RPTOR: variants seen among roughly 807,000 people sequenced by gnomAD.
The protein encoded by RPTOR is regulatory-associated protein of mTOR.
RPTOR carries 21 observed loss-of-function variants against 169.9 expected under a neutral mutation model. The ratio of observed to expected loss-of-function variants is 0.12; its 90% CI spans 0.09 to 0.18. RPTOR has a LOEUF of 0.18. Among genes scored for constraint, RPTOR ranks in the 10% least tolerant of loss-of-function variants. The pLI is 1.00. For synonymous variants in RPTOR, 732 were observed against 753.2 expected (o/e 0.97, Z 0.46); for missense variants, 1,133 against 1,855.9 (o/e 0.61, Z 7.16).
At chr17:80,964,114 C>A in intron 33 of RPTOR, 148 bp from the exon 34 acceptor site, 1 of 690,712 alleles carries the variant, frequency 1.4e-6, no homozygotes, top group East Asian at 2.7e-5. Context: ...GTGGGACCGG[C>A]CCGGCATTTC....
chr17:80,589,703 T>C (rs1228284231), intron 1 of RPTOR, among the ~76,000 whole-genome samples: 2 of 152,234 alleles, frequency 1.3e-5, no homozygotes. Context: ...AATTGTGTGT[T>C]GTTTGTTCTG....
intron 24 of RPTOR, among the ~76,000 whole-genome samples, chr17:80,934,215 A>G (rs572327306): frequency 6.6e-6 from 1 of 151,564 alleles, no homozygotes; most frequent in South Asian, 2.1e-4. Flanking sequence ...CAGCGGTGCA[A>G]TACCTTCCAT....
At position 80,925,372 on chromosome 17, in the gene RPTOR, TGCGGACGAC is replaced by T. The variant is rs761788311; in HGVS notation, c.2820_2828del (p.Asp942_Ala944del). ...ACCCTCCTGCTTAAACCCTGAAGAC[TGCGGACGAC>T]GCGGACGATGCTGCTGGACACAAAA... On this transcript the variant is annotated inframe_deletion, in exon 24 of 34. Coordinates refer to ENST00000306801, the MANE Select transcript of RPTOR (RefSeq NM_020761.3). The T allele has an allele frequency of 7.4e-6, 12 of 1,613,536 alleles. No individual in the cohort carries two copies. The highest frequency in any genetic ancestry group is 6.7e-5 in the East Asian group (3 of 44,888).
chr17:80,884,059 C>T lies in RPTOR; in HGVS notation c.1842+87C>T, dbSNP rs1168839785. Reference sequence around the variant, plus strand: ...AGGTCTGCTCGCGTGCGGGTGTGGCCGGCCACGTGTCCAGGAACTTCAGGG... The same window carrying T: ...AGGTCTGCTCGCGTGCGGGTGTGGCTGGCCACGTGTCCAGGAACTTCAGGG... On this transcript the variant is annotated intron_variant, in intron 16 of 33. Coordinates refer to ENST00000306801, the MANE Select transcript of RPTOR (RefSeq NM_020761.3). 3.7e-5 allele frequency: 50 copies of T among 1,359,710 alleles called. No homozygotes were observed. In the East Asian group the frequency reaches 6.6e-4, roughly 18 times the overall value. 84.2% of individuals were successfully genotyped at this position (1,359,710 alleles called of 1,614,324 possible).
At position 80,651,068 on chromosome 17, in the gene RPTOR, C is replaced by T. The variant is rs560444074; in HGVS notation, c.348+7258C>T. On this transcript the variant is annotated intron_variant, in intron 3 of 33. Coordinates refer to ENST00000306801, the MANE Select transcript of RPTOR (RefSeq NM_020761.3). This position sits in a 1 kb window ranked among gnomAD's most constrained non-coding sequence, Gnocchi z 4.1. The stretch of plus-strand genomic sequence containing the variant: ...CAGGCTGGGGACTAAAACTGTAGCT[C>T]AGCTGTTGTCGTTTCACAGATCTCA... Among the ~76,000 whole-genome samples, 1 of 152,264 alleles carries T rather than the reference C, an allele frequency of 6.6e-6. No individual in the cohort carries two copies. Among genetic ancestry groups the T allele is most frequent in the Non-Finnish European group, 1.5e-5 (1 of 68,022 alleles).
intron 1 of RPTOR, among the ~76,000 whole-genome samples, chr17:80,578,971 T>G (rs780958602): frequency 2.6e-5 from 4 of 152,154 alleles, no homozygotes; most frequent in Non-Finnish European, 5.9e-5. Context: ...GTGGTAGCAG[T>G]AATTTTAAGG....
At position 80,964,595 on chromosome 17, in the gene RPTOR, C is replaced by A; in HGVS notation, c.*265C>A. On this transcript the variant is annotated 3_prime_UTR_variant, in exon 34 of 34. Coordinates refer to ENST00000306801, the MANE Select transcript of RPTOR (RefSeq NM_020761.3). ...TCCAGGTGCACCCCCGCGGCCACGG[C>A]GCCTCTGTCCCTCTCCTGTTCTGTG... The A allele has an allele frequency of 1.8e-6, 1 of 544,466 alleles. No individual in the cohort carries two copies. 33.7% of individuals were successfully genotyped at this position (544,466 alleles called of 1,614,324 possible). A position where few individuals can be genotyped will look rare whatever the true frequency, so the allele number is the denominator to read the frequency against.
At chr17:80,896,425 TC>T in intron 20 of RPTOR, among the ~76,000 whole-genome samples, 1 of 23,828 alleles carries the variant, frequency 4.2e-5, no homozygotes, top group Admixed American at 5.4e-4. Context: ...CCACACGGCC[TC>T]GCCAACACCC....
intron 1 of RPTOR, among the ~76,000 whole-genome samples, chr17:80,583,180 C>CTTTTTTTTT (rs1398903636): frequency 3.6e-5 from 3 of 83,744 alleles, no homozygotes; most frequent in Non-Finnish European, 7.3e-5. Context: ...TGCCTCTTTC[C>CTTTTTTTTT]TGTTTTTTTT....
intron 13 of RPTOR, among the ~76,000 whole-genome samples, chr17:80,858,615 C>G (rs1048673002): frequency 2.2e-4 from 34 of 152,178 alleles, no homozygotes; most frequent in African/African-American, 8.0e-4. Flanking sequence ...CCTGCAGGAG[C>G]TACCAGCGAG....
intron 7 of RPTOR, among the ~76,000 whole-genome samples, chr17:80,819,316 C>T (rs190357327): frequency 1.3e-5 from 2 of 152,312 alleles, no homozygotes; most frequent in East Asian, 3.9e-4. Flanking sequence ...GAGGTTTTTC[C>T]TCCAATTGTT....
intron 7 of RPTOR, among the ~76,000 whole-genome samples, chr17:80,821,540 T>C (rs1438455834): frequency 1.3e-5 from 2 of 152,200 alleles, no homozygotes; most frequent in Non-Finnish European, 2.9e-5. Context: ...TCCTTGGTGC[T>C]GCCTGCCCCA....
At position 80,625,805 on chromosome 17, in the gene RPTOR, T is replaced by TC. The variant is rs1567825890; in HGVS notation, c.265+15dup. The TC allele has an allele frequency of 6.3e-7, 1 of 1,577,410 alleles. No individual in the cohort carries two copies. The highest frequency in any genetic ancestry group is 8.7e-7 in the Non-Finnish European group (1 of 1,147,854). On this transcript the variant is annotated intron_variant, in intron 2 of 33. Coordinates refer to ENST00000306801, the MANE Select transcript of RPTOR (RefSeq NM_020761.3). ...GGAATGCTGGATCGGTGAGTATGCC[T>TC]CCCTCACGCGCTGCCACAAAGGCCG...
intron 1 of RPTOR, among the ~76,000 whole-genome samples, chr17:80,575,242 G>A (rs549688554): frequency 6.6e-5 from 10 of 151,936 alleles, no homozygotes; most frequent in South Asian, 6.2e-4. Context: ...GGCTCCTTCC[G>A]CCTTGGCCTC....
intron 2 of RPTOR, among the ~76,000 whole-genome samples, chr17:80,635,047 T>C (rs970340596): frequency 2.6e-5 from 4 of 152,216 alleles, no homozygotes; most frequent in African/African-American, 7.2e-5. Context: ...TTTCCATATT[T>C]GTAGCTCCAT....
intron 1 of RPTOR, among the ~76,000 whole-genome samples, chr17:80,566,465 T>G (rs2064841712): frequency 6.6e-6 from 1 of 151,984 alleles, no homozygotes; most frequent in Non-Finnish European, 1.5e-5. Context: ...TATAAAAAAT[T>G]TATGGAAGGT....
chr17:80,870,461 C>T (rs1279279673), intron 13 of RPTOR, among the ~76,000 whole-genome samples: 4 of 152,344 alleles, frequency 2.6e-5, no homozygotes, highest in African/African-American at 9.6e-5. Context: ...TGTATGCTGG[C>T]GTTGATAGCC....
intron 6 of RPTOR, among the ~76,000 whole-genome samples, chr17:80,779,299 G>A (rs1186267181): frequency 2.0e-5 from 3 of 152,198 alleles, no homozygotes; most frequent in Non-Finnish European, 4.4e-5. Flanking sequence ...CACTCTCACT[G>A]TCCTCCCATT....
intron 14 of RPTOR, 62 bp from the exon 15 acceptor site, chr17:80,883,357 G>T (rs2068207002): frequency 7.1e-7 from 1 of 1,416,436 alleles, no homozygotes; most frequent in African/African-American, 1.4e-5. Flanking sequence ...TCACGCTGTT[G>T]TACTTTGGGA....
Sources: gnomAD v4.1 joint callset for allele counts (sites outside exome capture counted in the v4.1 genomes callset) on GRCh38, gnomAD v4.1.1 for gene constraint, Gnocchi (gnomAD v3.1) non-coding constraint, MANE v1.5 for transcripts, NCBI Gene and HGNC (gene_info 2026-07-23, HGNC 2026-07-21) for gene names.